The following DMD variants were observed in gnomAD, a reference collection of about 807,000 sequenced individuals.
DMD encodes the protein dystrophin.
In DMD, 63 loss-of-function variants were observed where a neutral mutation model predicts 330.1. That is an observed-to-expected ratio of 0.19 (90% CI 0.16 to 0.24). DMD has a LOEUF of 0.24. Ranked by LOEUF, DMD falls within the 10% of genes least tolerant of loss-of-function variation. The probability of loss-of-function intolerance (pLI) is 1.00; values close to 1 mark genes in which losing one functional copy is unlikely to be tolerated. For synonymous variants in DMD, 1,223 were observed against 959.8 expected (o/e 1.27, Z -5.07); for missense variants, 3,344 against 2,684.1 (o/e 1.25, Z -5.43).
At chrX:31,352,382 A>G (rs1260452608) in intron 60 of DMD, among the ~76,000 whole-genome samples, 1 of 111,416 alleles carries the variant, frequency 9.0e-6, no homozygotes. Context: ...GGGAGTGGAC[A>G]CTGATCAGAA....
At chrX:31,435,359 C>T (rs939613435) in intron 60 of DMD, among the ~76,000 whole-genome samples, 4 of 111,676 alleles carry the variant, frequency 3.6e-5, no homozygotes, top group African/African-American at 1.3e-4. Flanking sequence ...GGCTGTACTT[C>T]TGATATAAGA....
intron 56 of DMD, among the ~76,000 whole-genome samples, chrX:31,504,863 C>T (rs748991674): frequency 1.8e-5 from 2 of 111,915 alleles, no homozygotes; most frequent in Non-Finnish European, 3.8e-5. Context: ...AAGCCAAAAC[C>T]ATTGATCTGA....
At chrX:32,347,300 A>G (rs1034357694) in intron 38 of DMD, among the ~76,000 whole-genome samples, 1 of 111,922 alleles carries the variant, frequency 8.9e-6, no homozygotes, top group Non-Finnish European at 1.9e-5. Flanking sequence ...AACAACAAAA[A>G]ATTAAAAAAC....
intron 45 of DMD, among the ~76,000 whole-genome samples, chrX:31,967,151 A>T (rs1419371163): frequency 9.0e-6 from 1 of 110,815 alleles, no homozygotes; most frequent in African/African-American, 3.3e-5. Context: ...CTGGGAAAAA[A>T]GTATATGACT....
At chrX:32,185,708 G>A (rs757149126) in intron 44 of DMD, among the ~76,000 whole-genome samples, 1 of 110,720 alleles carries the variant, frequency 9.0e-6, no homozygotes, top group East Asian at 2.9e-4. Flanking sequence ...AAAGTAGAGA[G>A]GGCAATTTAG....
At chrX:31,615,747 T>C (rs1312313193) in intron 55 of DMD, among the ~76,000 whole-genome samples, 2 of 112,062 alleles carry the variant, frequency 1.8e-5, no homozygotes, top group Admixed American at 1.9e-4. Flanking sequence ...AAGCATAGTT[T>C]CATTCACACG....
Position 31,819,752 on chromosome X carries a change from A to T in DMD, c.7309+223T>A, listed in dbSNP as rs116628132. 9.6e-3 allele frequency among the ~76,000 whole-genome samples: 1,082 copies of T among 113,042 alleles called. 10 individuals are homozygous for T. Among genetic ancestry groups the T allele is most frequent in the African/African-American group, 0.033 (1,029 of 31,155 alleles). ...GTGCTCTTCTCTTCCTTGTGGGTGTATCTCCAGAGAACACTCCCCATATCC... is the reference window on the plus strand; with the variant it reads ...GTGCTCTTCTCTTCCTTGTGGGTGTTTCTCCAGAGAACACTCCCCATATCC... On this transcript the variant is annotated intron_variant, in intron 50 of 78. Transcript: ENST00000357033.
intron 2 of DMD, among the ~76,000 whole-genome samples, chrX:32,891,923 C>T (rs989136089): frequency 2.7e-5 from 3 of 111,087 alleles, no homozygotes; most frequent in African/African-American, 9.8e-5. Flanking sequence ...CATCCTCTCG[C>T]GTCATAGTTT....
chrX:31,160,085 A>G (rs1465894249), intron 74 of DMD, among the ~76,000 whole-genome samples: 1 of 111,932 alleles, frequency 8.9e-6, no homozygotes, highest in African/African-American at 3.2e-5. Context: ...AGTAATTGTG[A>G]TGAAGCTAAA....
intron 1 of DMD, among the ~76,000 whole-genome samples, chrX:33,090,169 T>C (rs2095065783): frequency 9.1e-6 from 1 of 110,445 alleles, no homozygotes; most frequent in Non-Finnish European, 1.9e-5. Context: ...ATGGAATTTG[T>C]TTGCTTCGAC....
intron 44 of DMD, among the ~76,000 whole-genome samples, chrX:32,139,030 C>T (rs1162544672): frequency 2.7e-5 from 3 of 112,187 alleles, no homozygotes; most frequent in Non-Finnish European, 1.9e-5. Context: ...ATTGCTGTAC[C>T]TGCTCTCCTC....
intron 60 of DMD, among the ~76,000 whole-genome samples, chrX:31,363,823 A>G (rs2059094212): frequency 8.9e-6 from 1 of 112,554 alleles, no homozygotes; most frequent in Non-Finnish European, 1.9e-5. Flanking sequence ...AGATGCCAGT[A>G]GCACCTCCTC....
chrX:32,661,593 T>C (rs1279491708), intron 9 of DMD, among the ~76,000 whole-genome samples: 1 of 111,630 alleles, frequency 9.0e-6, no homozygotes, highest in African/African-American at 3.2e-5. Context: ...AATCAAAATA[T>C]AATAATGTGT....
chrX:31,345,125 C>T (rs1364882189), intron 61 of DMD, among the ~76,000 whole-genome samples: 1 of 112,164 alleles, frequency 8.9e-6, no homozygotes, highest in African/African-American at 3.2e-5. Flanking sequence ...TTTATACCTG[C>T]AAGCAAAGCT....
At chrX:33,214,907 C>T (rs186512260), upstream of DMD, among the ~76,000 whole-genome samples, 156 of 112,272 alleles carry the variant, frequency 1.4e-3, no homozygotes, top group Non-Finnish European at 2.3e-3. Context: ...CCTGCCTCAG[C>T]CTCCCCAGGA....
chrX:31,774,270 TCAATAA>T, intron 50 of DMD, 78 bp from the exon 51 acceptor site: 1 of 671,964 alleles, frequency 1.5e-6, no homozygotes, highest in Non-Finnish European at 2.3e-6. Flanking sequence ...AGAGCCAATT[TCAATAA>T]CAATAAGTCA....
chrX:32,931,640 T>C (rs1368146059), intron 2 of DMD, among the ~76,000 whole-genome samples: 1 of 111,377 alleles, frequency 9.0e-6, no homozygotes, highest in Non-Finnish European at 1.9e-5. Context: ...TATACTCACA[T>C]GCTAACGTAT....
intron 41 of DMD, among the ~76,000 whole-genome samples, chrX:32,334,869 A>G (rs2097697821): frequency 9.0e-6 from 1 of 111,597 alleles, no homozygotes; most frequent in Non-Finnish European, 1.9e-5. Context: ...TGCTTAATCT[A>G]CTGTTTACCA....
intron 67 of DMD, among the ~76,000 whole-genome samples, chrX:31,202,605 C>T (rs945471231): frequency 7.1e-5 from 8 of 111,913 alleles, no homozygotes; most frequent in African/African-American, 2.6e-4. Flanking sequence ...GCCCAGGAAA[C>T]CTTCTATAGT....
Sources: gnomAD v4.1 joint callset for allele counts (sites outside exome capture counted in the v4.1 genomes callset) on GRCh38, gnomAD v4.1.1 for gene constraint, MANE v1.5 for transcripts, NCBI Gene and HGNC (gene_info 2026-07-23, HGNC 2026-07-21) for gene names.